COL24A1: variants seen among roughly 807,000 people sequenced by gnomAD.
COL24A1 encodes collagen type XXIV alpha 1 chain.
COL24A1 carries 224 observed loss-of-function variants against 253.9 expected under a neutral mutation model. That is an observed-to-expected ratio of 0.88 (90% confidence interval 0.79 to 0.99). The LOEUF (loss-of-function observed/expected upper bound fraction) is 0.99, where lower values mean the gene tolerates loss of function less well. Among genes scored for constraint, COL24A1 ranks in the 50% least tolerant of loss-of-function variants. The pLI is 0.00. For missense variants in COL24A1, 2,131 were observed against 2,068.5 expected, an observed-to-expected ratio of 1.03 and a Z score of -0.59; for synonymous variants, 685 against 673.7, an observed-to-expected ratio of 1.02 and a Z score of -0.26.
At chr1:85,791,028 T>C (rs531488320) in intron 47 of COL24A1, among the ~76,000 whole-genome samples, 182 of 152,324 alleles carry the variant, frequency 1.2e-3, no homozygotes, top group African/African-American at 3.9e-3. Flanking sequence ...AAATCCCTTA[T>C]TGATGACTTA....
chr1:85,923,857 T>G (rs1571236102), intron 24 of COL24A1, among the ~76,000 whole-genome samples: 1 of 152,152 alleles, frequency 6.6e-6, no homozygotes, highest in African/African-American at 2.4e-5. Context: ...ACAAAAACCC[T>G]TCAAAAAATC....
rs543730111 is a variant in COL24A1, at chr1:86,044,305, C to A, written c.1950+2520G>T. On this transcript the variant is annotated intron_variant, in intron 12 of 59. Coordinates refer to ENST00000370571, the MANE Select transcript of COL24A1 (RefSeq NM_152890.7). ...ATACATAGGATAACATATTCTGGGA[C>A]AGTCTCTAAGGTCACCCTTGCCATA... is the stretch of plus-strand genomic sequence containing the variant. 8.5e-5 allele frequency among the ~76,000 whole-genome samples: 13 copies of A among 152,216 alleles called. No homozygotes were observed. The South Asian group carries it at 2.7e-3, about 32-fold the overall frequency.
intron 24 of COL24A1, among the ~76,000 whole-genome samples, chr1:85,945,019 T>TTTTTGTTTG (rs1558752735): frequency 2.7e-5 from 2 of 73,390 alleles, no homozygotes; most frequent in African/African-American, 4.5e-5. Context: ...TTTTTTTTTT[T>TTTTTGTTTG]TTTTTTTTTT....
At chr1:85,804,366 AAG>A (rs1671738903) in intron 47 of COL24A1, among the ~76,000 whole-genome samples, 1 of 152,204 alleles carries the variant, frequency 6.6e-6, no homozygotes, top group South Asian at 2.1e-4. Flanking sequence ...GGAACAACAA[AAG>A]AAGTAATTTT....
chr1:85,903,431 T>C (rs1363479617), intron 28 of COL24A1, among the ~76,000 whole-genome samples: 1 of 152,202 alleles, frequency 6.6e-6, no homozygotes, highest in Non-Finnish European at 1.5e-5. Context: ...TGCTTTGACT[T>C]CTAAGACAAA....
At chr1:86,021,603 T>G (rs1028688050) in intron 18 of COL24A1, among the ~76,000 whole-genome samples, 1 of 152,182 alleles carries the variant, frequency 6.6e-6, no homozygotes, top group African/African-American at 2.4e-5. Context: ...CTTAGAATAC[T>G]GCCTGGTATT....
At chr1:86,115,400 C>T (rs763707497) in intron 3 of COL24A1, 22 bp from the exon 4 acceptor site, 88 of 1,610,210 alleles carry the variant, frequency 5.5e-5, no homozygotes, top group Non-Finnish European at 7.2e-5. Flanking sequence ...AATGTCAAGA[C>T]ATTAGGCATG....
Position 86,023,009 on chromosome 1 carries a change from T to A in COL24A1, c.2050-2A>T. 7 of 1,611,958 alleles carry A rather than the reference T, an allele frequency of 4.3e-6. No homozygotes were observed. Among genetic ancestry groups the A allele is most frequent in the Non-Finnish European group, 5.9e-6 (7 of 1,178,708 alleles). ...TGGTCCCACAGGGCCAACACTGCCC[T>A]GGAAAACAGTAAGAAAGAAATGCAT... is the stretch of plus-strand genomic sequence containing the variant. On this transcript the variant is annotated splice_acceptor_variant, in intron 14 of 59. Transcript: ENST00000370571. LOFTEE classifies it high-confidence loss of function.
intron 24 of COL24A1, among the ~76,000 whole-genome samples, chr1:85,933,069 C>G (rs1370224238): frequency 8.2e-6 from 1 of 122,566 alleles, no homozygotes; most frequent in Non-Finnish European, 1.6e-5. Flanking sequence ...CACATGTACC[C>G]TAAAACTTAG....
intron 55 of COL24A1, among the ~76,000 whole-genome samples, chr1:85,757,507 A>C (rs1279267246): frequency 1.3e-5 from 2 of 152,168 alleles, no homozygotes; most frequent in African/African-American, 4.8e-5. Context: ...TTGATGCTTT[A>C]GTCATGCTAA....
intron 24 of COL24A1, among the ~76,000 whole-genome samples, chr1:85,960,100 T>A (rs927999867): frequency 3.3e-5 from 5 of 152,232 alleles, no homozygotes; most frequent in African/African-American, 4.8e-5. Context: ...ATACTCTTCC[T>A]ATTTTTATTA....
intron 14 of COL24A1, among the ~76,000 whole-genome samples, chr1:86,029,300 T>C (rs1281300875): frequency 6.6e-6 from 1 of 152,168 alleles, no homozygotes; most frequent in Non-Finnish European, 1.5e-5. Context: ...TGGCTTCAAA[T>C]CTGGGCTCAA....
chr1:85,820,547 T>A (rs975725322), intron 45 of COL24A1, among the ~76,000 whole-genome samples: 2 of 152,170 alleles, frequency 1.3e-5, no homozygotes, highest in Non-Finnish European at 2.9e-5. Flanking sequence ...AAAGTGATGA[T>A]GTGCATTTCA....
At chr1:85,885,908 T>G (rs1041801789) in intron 32 of COL24A1, among the ~76,000 whole-genome samples, 5 of 152,214 alleles carry the variant, frequency 3.3e-5, no homozygotes, top group Non-Finnish European at 5.9e-5. Flanking sequence ...GAACTCTGTC[T>G]TTATGGCCTT....
Position 86,156,325 on chromosome 1 carries a change from C to T in COL24A1, c.56+16G>A. 6.2e-7 allele frequency: 1 copy of T among 1,610,812 alleles called. No homozygotes were observed. The highest frequency in any genetic ancestry group is 8.5e-7 in the Non-Finnish European group (1 of 1,178,424). On this transcript the variant is annotated intron_variant, in intron 1 of 59. Transcript: ENST00000370571. ...TTGGTCTAACCCCTACCCTACCCGG[C>T]GGGTGGGCTACTTACGTTTTTGCCG...
At chr1:86,055,566 A>G (rs1311249130) in intron 10 of COL24A1, among the ~76,000 whole-genome samples, 1 of 152,250 alleles carries the variant, frequency 6.6e-6, no homozygotes, top group East Asian at 1.9e-4. Flanking sequence ...TAAGTTGTAC[A>G]GTGCCAAATA....
intron 23 of COL24A1, among the ~76,000 whole-genome samples, chr1:85,963,555 A>G (rs1691269038): frequency 6.6e-6 from 1 of 152,142 alleles, no homozygotes; most frequent in South Asian, 2.1e-4. Flanking sequence ...GAGAGAAGCT[A>G]TTTCCCCAGG....
chr1:86,040,225 C>T (rs1353930772), intron 12 of COL24A1, among the ~76,000 whole-genome samples: 3 of 152,072 alleles, frequency 2.0e-5, no homozygotes, highest in Non-Finnish European at 2.9e-5. Flanking sequence ...AATATAATCC[C>T]TGAGCCCAAC....
chr1:85,984,193 G>T (rs1337185393), intron 20 of COL24A1, among the ~76,000 whole-genome samples: 1 of 151,808 alleles, frequency 6.6e-6, no homozygotes, highest in Non-Finnish European at 1.5e-5. Flanking sequence ...AACTTCAAGA[G>T]AAACAAAATT....
Sources: gnomAD v4.1 joint callset for allele counts (sites outside exome capture counted in the v4.1 genomes callset) on GRCh38, gnomAD v4.1.1 for gene constraint, MANE v1.5 for transcripts, NCBI Gene and HGNC (gene_info 2026-07-23, HGNC 2026-07-21) for gene names.